The following NLGN1 variants were observed in gnomAD, a reference collection of about 807,000 sequenced individuals.
The protein encoded by NLGN1 is neuroligin-1.
Under a neutral mutation model 65.5 loss-of-function variants are expected in NLGN1, and 12 were observed. The ratio of observed to expected loss-of-function variants is 0.18; its 90% CI spans 0.12 to 0.30. The LOEUF is 0.30. NLGN1 is among the 10% of genes least tolerant of loss of function. The pLI is 1.00. For synonymous variants in NLGN1, 350 were observed against 359.5 expected (o/e 0.97, Z 0.30); for missense variants, 750 against 1,007.1 (o/e 0.74, Z 3.46).
chr3:174,095,882 C>T (rs1745424079), intron 4 of NLGN1, among the ~76,000 whole-genome samples: 1 of 151,924 alleles, frequency 6.6e-6, no homozygotes, highest in African/African-American at 2.4e-5. Context: ...TGCCTGTAGT[C>T]CTGGCTACTC....
chr3:173,403,150 A>G (rs906737107), intron 1 of NLGN1, among the ~76,000 whole-genome samples: 4 of 152,166 alleles, frequency 2.6e-5, no homozygotes, highest in African/African-American at 9.6e-5. Context: ...TGTAGAATGC[A>G]TACTTTCATG....
At chr3:173,574,576 C>A (rs929678381) in intron 2 of NLGN1, among the ~76,000 whole-genome samples, 3 of 152,044 alleles carry the variant, frequency 2.0e-5, no homozygotes, top group African/African-American at 7.2e-5. Flanking sequence ...CTAAGGCAGG[C>A]ACCTTACTAA....
chr3:173,728,292 C>A (rs1360860803), intron 3 of NLGN1, among the ~76,000 whole-genome samples: 1 of 152,012 alleles, frequency 6.6e-6, no homozygotes, highest in Non-Finnish European at 1.5e-5. Context: ...AACATAAAAA[C>A]AAACTGGTAG....
intron 2 of NLGN1, among the ~76,000 whole-genome samples, chr3:173,495,565 G>T (rs1576971778): frequency 6.7e-6 from 1 of 149,526 alleles, no homozygotes; most frequent in Middle Eastern, 3.5e-3. Context: ...ATTTTAGGAG[G>T]AGAATTACAT....
intron 1 of NLGN1, among the ~76,000 whole-genome samples, chr3:173,418,080 A>G (rs1206487256): frequency 6.6e-6 from 1 of 151,096 alleles, no homozygotes; most frequent in African/African-American, 2.4e-5. Context: ...GAAAGTATAT[A>G]TACATAAATA....
At chr3:173,766,517 A>G (rs1054977482) in intron 3 of NLGN1, among the ~76,000 whole-genome samples, 3 of 152,008 alleles carry the variant, frequency 2.0e-5, no homozygotes, top group Non-Finnish European at 4.4e-5. Context: ...GGTATTTTCT[A>G]CTTATTGAAC....
At chr3:173,930,948 C>T (rs1439006876) in intron 4 of NLGN1, among the ~76,000 whole-genome samples, 1 of 152,172 alleles carries the variant, frequency 6.6e-6, no homozygotes, top group Non-Finnish European at 1.5e-5. Context: ...TACCTCCTCA[C>T]TCACAGTCTT....
At chr3:174,175,848 T>A (rs2152740608) in intron 4 of NLGN1, among the ~76,000 whole-genome samples, 1 of 152,078 alleles carries the variant, frequency 6.6e-6, no homozygotes, top group South Asian at 2.1e-4. Flanking sequence ...GCTAGAGATA[T>A]CACAGTACCT....
intron 3 of NLGN1, among the ~76,000 whole-genome samples, chr3:173,638,780 A>G (rs1348531986): frequency 3.9e-5 from 6 of 152,198 alleles, no homozygotes; most frequent in African/African-American, 1.2e-4. Flanking sequence ...TGTTTTTCCT[A>G]TAAGTTCATT....
intron 3 of NLGN1, among the ~76,000 whole-genome samples, chr3:173,632,757 G>C (rs963344713): frequency 1.3e-5 from 2 of 151,464 alleles, no homozygotes; most frequent in Admixed American, 1.3e-4. Flanking sequence ...AAGGAAAGCA[G>C]CCAGACATTT....
chr3:173,518,825 C>T (rs945293753), intron 2 of NLGN1, among the ~76,000 whole-genome samples: 2 of 152,130 alleles, frequency 1.3e-5, no homozygotes, highest in African/African-American at 4.8e-5. Context: ...GAAATTCAAG[C>T]TGGCTGCAGA....
intron 4 of NLGN1, among the ~76,000 whole-genome samples, chr3:173,903,608 A>G (rs914813507): frequency 6.6e-6 from 1 of 152,126 alleles, no homozygotes; most frequent in African/African-American, 2.4e-5. Flanking sequence ...AAACAGTGAG[A>G]ATAATCTATT....
At chr3:173,418,548 A>T (rs549037596) in intron 1 of NLGN1, among the ~76,000 whole-genome samples, 1 of 152,176 alleles carries the variant, frequency 6.6e-6, no homozygotes, top group Non-Finnish European at 1.5e-5. Context: ...AATAGGTATG[A>T]TCTTTCTTCT....
At chr3:173,911,116 CTG>C (rs1215612738) in intron 4 of NLGN1, among the ~76,000 whole-genome samples, 1 of 152,134 alleles carries the variant, frequency 6.6e-6, no homozygotes, top group Non-Finnish European at 1.5e-5. Context: ...AGAAAACAAA[CTG>C]TTATAATATC....
At chr3:174,046,160 G>T (rs1733540644) in intron 4 of NLGN1, among the ~76,000 whole-genome samples, 1 of 152,144 alleles carries the variant, frequency 6.6e-6, no homozygotes, top group Non-Finnish European at 1.5e-5. Context: ...GTAAAAAATT[G>T]AAGCTCCATA....
In NLGN1 at chr3:173,729,517, CACTT is replaced by C. The variant is rs541909237; in HGVS notation, c.494-78160_494-78157del. Among the ~76,000 whole-genome samples, 395 of 152,116 alleles carry C rather than the reference CACTT, an allele frequency of 2.6e-3. 4 individuals carry two copies. The highest frequency in any genetic ancestry group is 8.9e-3 in the African/African-American group (371 of 41,514). ...TTGCGTGGATGGTTTAAAATACACA[CACTT>C]ACACAGATTTGAAGTCTTGGTGAAG... is the stretch of plus-strand genomic sequence containing the variant. On this transcript the variant is annotated intron_variant, in intron 3 of 6. Coordinates refer to ENST00000457714, the Ensembl canonical transcript of NLGN1.
intron 2 of NLGN1, among the ~76,000 whole-genome samples, chr3:173,597,326 A>T (rs971903478): frequency 1.3e-5 from 2 of 152,176 alleles, no homozygotes; most frequent in East Asian, 3.9e-4. Context: ...CTCACCTCAA[A>T]TAAGAGGGCT....
intron 3 of NLGN1, among the ~76,000 whole-genome samples, chr3:173,703,565 G>T (rs1578036335): frequency 6.6e-6 from 1 of 151,936 alleles, no homozygotes; most frequent in Non-Finnish European, 1.5e-5. Context: ...ATTACAGTTG[G>T]CAAAAGCTTA....
At chr3:174,129,573 AT>A (rs907439669) in intron 4 of NLGN1, among the ~76,000 whole-genome samples, 1 of 152,126 alleles carries the variant, frequency 6.6e-6, no homozygotes, top group South Asian at 2.1e-4. Flanking sequence ...GGGTTGTTAG[AT>A]TTTTTTGAGG....
Sources: allele counts gnomAD v4.1 joint callset (sites outside exome capture counted in the v4.1 genomes callset), GRCh38; gene constraint gnomAD v4.1.1; transcripts MANE v1.5; gene names NCBI Gene and HGNC (gene_info 2026-07-23, HGNC 2026-07-21).